The following GPR158 variants were observed in gnomAD, a reference collection of about 807,000 sequenced individuals.
GPR158 encodes the protein G protein-coupled receptor 158.
A neutral mutation model predicts 78.2 loss-of-function variants in GPR158; 30 were observed. The ratio of observed to expected loss-of-function variants is 0.38; its 90% confidence interval spans 0.29 to 0.52. GPR158 has a LOEUF of 0.52. GPR158 is among the 20% of genes least tolerant of loss of function. GPR158 has a pLI of 0.83. For missense variants in GPR158, 1,463 were observed against 1,523.5 expected (o/e 0.96, Z 0.66); for synonymous variants, 581 against 591.1 (o/e 0.98, Z 0.25).
intron 2 of GPR158, among the ~76,000 whole-genome samples, chr10:25,392,326 C>A (rs940263440): frequency 6.6e-6 from 1 of 152,158 alleles, no homozygotes; most frequent in African/African-American, 2.4e-5. Flanking sequence ...ACTCACACAC[C>A]CCCACTGCTC....
chr10:25,411,706 T>G (rs1015351429), intron 3 of GPR158, among the ~76,000 whole-genome samples: 1 of 151,842 alleles, frequency 6.6e-6, no homozygotes, highest in Non-Finnish European at 1.5e-5. Flanking sequence ...GAGGCAGAGA[T>G]GGGCGGATCA....
chr10:25,517,864 T>C (rs1237165313), intron 5 of GPR158, among the ~76,000 whole-genome samples: 1 of 145,802 alleles, frequency 6.9e-6, no homozygotes, highest in African/African-American at 2.6e-5. Flanking sequence ...CTGGCTTTGG[T>C]ATCAGAATGA....
chr10:25,316,915 G>A (rs1198455749), intron 2 of GPR158, among the ~76,000 whole-genome samples: 2 of 113,232 alleles, frequency 1.8e-5, no homozygotes, highest in African/African-American at 6.5e-5. Flanking sequence ...GTGTGTTTAT[G>A]TGTGTGTGTA....
In GPR158 at chr10:25,349,377, A is replaced by C. The variant is rs1855421321; in HGVS notation, c.1009-46534A>C. 1.4e-5 allele frequency among the ~76,000 whole-genome samples: 2 copies of C among 147,848 alleles called. 1 individual carries two copies. Among genetic ancestry groups the C allele is most frequent in the African/African-American group, 5.3e-5 (2 of 37,550 alleles). On this transcript the variant is annotated intron_variant, in intron 2 of 10. Coordinates refer to ENST00000376351, the MANE Select transcript of GPR158 (RefSeq NM_020752.3). ...GATCCTTAACTTAAACACATTTGCAAAGTTTCTTTTCCCATATGATATGGT... is the reference window on the plus strand; with the variant it reads ...GATCCTTAACTTAAACACATTTGCACAGTTTCTTTTCCCATATGATATGGT...
chr10:25,266,678 C>T (rs570283240), intron 2 of GPR158, among the ~76,000 whole-genome samples: 8 of 151,920 alleles, frequency 5.3e-5, no homozygotes, highest in African/African-American at 1.4e-4. Flanking sequence ...TAGTGCATAG[C>T]CAGGCAAATA....
At chr10:25,184,377 G>T (rs1205764151) in intron 1 of GPR158, among the ~76,000 whole-genome samples, 1 of 152,150 alleles carries the variant, frequency 6.6e-6, no homozygotes, top group Middle Eastern at 3.4e-3. Context: ...TTTAATTTTT[G>T]TAGAGACACG....
At chr10:25,258,808 C>T (rs1053119885) in intron 2 of GPR158, among the ~76,000 whole-genome samples, 3 of 152,158 alleles carry the variant, frequency 2.0e-5, no homozygotes, top group South Asian at 2.1e-4. Context: ...ATGTAACTTT[C>T]GATTCCCAAA....
intron 2 of GPR158, among the ~76,000 whole-genome samples, chr10:25,226,040 C>T (rs923188321): frequency 1.3e-5 from 2 of 152,148 alleles, no homozygotes; most frequent in Non-Finnish European, 2.9e-5. Flanking sequence ...TACTGAATCA[C>T]TTAGAAATAG....
chr10:25,502,460 A>G lies in GPR158; in HGVS notation c.1404+35741A>G, dbSNP rs74341243. On this transcript the variant is annotated intron_variant, in intron 5 of 10. Transcript: ENST00000376351. Reference sequence around the variant, plus strand: ...AACCACATTCACAGAGCTGCCCTGGAAACAGCAATGTGAGTAAGGGGCAAG... The same window carrying G: ...AACCACATTCACAGAGCTGCCCTGGGAACAGCAATGTGAGTAAGGGGCAAG... Among the ~76,000 whole-genome samples, 439 of 152,304 alleles carry G rather than the reference A, an allele frequency of 2.9e-3. 2 individuals are homozygous for G. Among genetic ancestry groups the G allele is most frequent in the African/African-American group, 0.01 (424 of 41,562 alleles).
chr10:25,571,218 ATCT>A (rs1443809868), intron 6 of GPR158, among the ~76,000 whole-genome samples: 1 of 152,146 alleles, frequency 6.6e-6, no homozygotes, highest in Non-Finnish European at 1.5e-5. Context: ...TGGTTAAGAG[ATCT>A]TCTGTTTTAC....
chr10:25,495,149 C>CTT (rs1302799395), intron 5 of GPR158, among the ~76,000 whole-genome samples: 4,634 of 137,798 alleles, frequency 0.034, 250 homozygotes, highest in African/African-American at 0.11. Context: ...AATCCACTAA[C>CTT]TTTTTTTTTT....
intron 2 of GPR158, among the ~76,000 whole-genome samples, chr10:25,365,420 G>C (rs1293718327): frequency 6.6e-6 from 1 of 151,610 alleles, no homozygotes; most frequent in Non-Finnish European, 1.5e-5. Context: ...TTGCTAATTA[G>C]TATTGAAAAA....
At chr10:25,326,581 A>G (rs190957626) in intron 2 of GPR158, among the ~76,000 whole-genome samples, 1 of 152,314 alleles carries the variant, frequency 6.6e-6, no homozygotes, top group Admixed American at 6.5e-5. Context: ...AGCAGAGAAT[A>G]GAACAGAGGT....
chr10:25,201,834 A>G (rs1852933367), intron 1 of GPR158, among the ~76,000 whole-genome samples: 1 of 152,100 alleles, frequency 6.6e-6, no homozygotes, highest in Non-Finnish European at 1.5e-5. Flanking sequence ...CTCCTTGATC[A>G]TGATAGATGA....
At chr10:25,399,027 C>A (rs12266071) in intron 3 of GPR158, among the ~76,000 whole-genome samples, 7,256 of 152,144 alleles carry the variant, frequency 0.048, 599 homozygotes, top group African/African-American at 0.16. Context: ...ATAGTCAAGA[C>A]TGAATAATTT....
intron 8 of GPR158, chr10:25,594,080 A>C (rs1338813058): frequency 5.1e-6 from 2 of 394,906 alleles, no homozygotes; most frequent in African/African-American, 4.2e-5. Context: ...TACTATTGTT[A>C]ATCTAAAATC....
chr10:25,324,073 A>G (rs1351666711), intron 2 of GPR158, among the ~76,000 whole-genome samples: 1 of 152,202 alleles, frequency 6.6e-6, no homozygotes, highest in African/African-American at 2.4e-5. Context: ...TTAGACCACT[A>G]AAACTTTCTC....
intron 7 of GPR158, among the ~76,000 whole-genome samples, chr10:25,576,364 A>C (rs910724584): frequency 6.6e-6 from 1 of 151,872 alleles, no homozygotes; most frequent in African/African-American, 2.4e-5. Flanking sequence ...TAGCTCATTT[A>C]CTCCCTCTAC....
intron 2 of GPR158, among the ~76,000 whole-genome samples, chr10:25,381,665 G>T (rs1834156945): frequency 6.6e-6 from 1 of 152,170 alleles, no homozygotes; most frequent in African/African-American, 2.4e-5. Flanking sequence ...TTGTTGGTTT[G>T]CTCAAAGGCA....
Sources: allele counts gnomAD v4.1 joint callset (sites outside exome capture counted in the v4.1 genomes callset), GRCh38; gene constraint gnomAD v4.1.1; transcripts MANE v1.5; gene names NCBI Gene and HGNC (gene_info 2026-07-23, HGNC 2026-07-21).